Variants in MAP2K5 observed in about 807,000 individuals in gnomAD.
MAP2K5 encodes the protein mitogen-activated protein kinase kinase 5.
Under a neutral mutation model 83.1 loss-of-function variants are expected in MAP2K5, and 49 were observed. The ratio of observed to expected loss-of-function variants is 0.59; its 90% CI spans 0.47 to 0.75. The LOEUF is 0.75. MAP2K5 is among the 30% of genes least tolerant of loss of function. The pLI, the probability that MAP2K5 is intolerant of heterozygous loss-of-function variation, is 0.00. For missense variants in MAP2K5, 457 were observed against 557.5 expected (o/e 0.82, Z 1.82); for synonymous variants, 202 against 191.8 (o/e 1.05, Z -0.44).
intron 9 of MAP2K5, among the ~76,000 whole-genome samples, chr15:67,634,416 A>G (rs1170124488): frequency 7.1e-6 from 1 of 140,612 alleles, no homozygotes; most frequent in East Asian, 2.1e-4. Flanking sequence ...AAAAGAATGT[A>G]TAATCCACTG....
intron 19 of MAP2K5, among the ~76,000 whole-genome samples, chr15:67,751,670 T>C (rs1009514213): frequency 6.6e-6 from 1 of 152,218 alleles, no homozygotes; most frequent in African/African-American, 2.4e-5. Context: ...CTTGGCAGCC[T>C]GTTGACGGAG....
At chr15:67,761,777 G>A (rs1479266276) in intron 19 of MAP2K5, among the ~76,000 whole-genome samples, 1 of 151,910 alleles carries the variant, frequency 6.6e-6, no homozygotes, top group Non-Finnish European at 1.5e-5. Flanking sequence ...ACCTATTAAG[G>A]GTTTTTTTCT....
At chr15:67,599,685 A>ATTTTTT (rs10665135) in intron 7 of MAP2K5, among the ~76,000 whole-genome samples, 1 of 148,382 alleles carries the variant, frequency 6.7e-6, no homozygotes. Context: ...CTGGAAATTG[A>ATTTTTT]TTTTTTTTTT....
At chr15:67,545,995 A>T (rs1233343681) in intron 1 of MAP2K5, among the ~76,000 whole-genome samples, 1 of 152,214 alleles carries the variant, frequency 6.6e-6, no homozygotes, top group Non-Finnish European at 1.5e-5. Context: ...TGGCCCCACC[A>T]CTAGAGCTCA....
rs1055908411 is a variant in MAP2K5, at chr15:67,636,668, C to A, written c.585+5741C>A. On this transcript the variant is annotated intron_variant, in intron 9 of 21. Transcript: ENST00000178640. The surrounding 1 kb of genome is among the most constrained non-coding windows in gnomAD (Gnocchi z 4.7). ...TGCCTTATAATTTTTTATTGGATAC[C>A]AGACATGTGGCATGGGTGCTATTTT... Among the ~76,000 whole-genome samples, 7 of 151,922 alleles carry A rather than the reference C, an allele frequency of 4.6e-5. No homozygotes were observed. Among genetic ancestry groups the A allele is most frequent in the Non-Finnish European group, 1.0e-4 (7 of 68,000 alleles).
intron 3 of MAP2K5, among the ~76,000 whole-genome samples, chr15:67,569,255 C>CT (rs2084905418): frequency 6.6e-6 from 1 of 152,212 alleles, no homozygotes; most frequent in Non-Finnish European, 1.5e-5. Flanking sequence ...CTACTTTGAA[C>CT]TTAACTTTGC....
At chr15:67,737,024 C>T (rs1188878266) in intron 17 of MAP2K5, among the ~76,000 whole-genome samples, 1 of 152,190 alleles carries the variant, frequency 6.6e-6, no homozygotes, top group African/African-American at 2.4e-5. Context: ...AGACTGTCTC[C>T]CACTCACAGT....
intron 20 of MAP2K5, among the ~76,000 whole-genome samples, chr15:67,771,828 C>T (rs1433559344): frequency 6.6e-6 from 1 of 152,046 alleles, no homozygotes; most frequent in Non-Finnish European, 1.5e-5. Context: ...TAGAAGAGTG[C>T]CTTATAAAGA....
intron 13 of MAP2K5, among the ~76,000 whole-genome samples, chr15:67,689,972 C>G (rs1444670966): frequency 6.6e-6 from 1 of 152,160 alleles, no homozygotes; most frequent in Non-Finnish European, 1.5e-5. Context: ...TAGTGCAGCC[C>G]AGCGCAAATT....
In MAP2K5 at chr15:67,651,328, G is replaced by A. The variant is rs534868306; in HGVS notation, c.736+4859G>A. Among the ~76,000 whole-genome samples, 273 of 152,338 alleles carry A rather than the reference G, an allele frequency of 1.8e-3. 1 individual carries two copies. Among genetic ancestry groups the A allele is most frequent in the Middle Eastern group, 3.4e-3 (1 of 294 alleles). On this transcript the variant is annotated intron_variant, in intron 11 of 21. Coordinates refer to ENST00000178640, the MANE Select transcript of MAP2K5 (RefSeq NM_145160.3). Reference sequence around the variant, plus strand: ...TACAATGTGTAGTAATCAACTCAAAGTAATGGAGATATGTATGACCACAAA... The same window carrying A: ...TACAATGTGTAGTAATCAACTCAAAATAATGGAGATATGTATGACCACAAA...
intron 9 of MAP2K5, among the ~76,000 whole-genome samples, chr15:67,632,231 T>C (rs2086491825): frequency 6.6e-6 from 1 of 151,822 alleles, no homozygotes; most frequent in Admixed American, 6.6e-5. Context: ...CCTTGAGTGG[T>C]TGGACCAGAG....
In MAP2K5 at chr15:67,587,030, C is replaced by A; in HGVS notation, c.431+117C>A. On this transcript the variant is annotated intron_variant, in intron 6 of 21. Coordinates refer to ENST00000178640, the MANE Select transcript of MAP2K5 (RefSeq NM_145160.3). This position sits in a 1 kb window ranked among gnomAD's most constrained non-coding sequence, Gnocchi z 4.8. ...TTAGATAACCTAGCTACGTATTGAC[C>A]AAAGAGAAAGGACCTCATATGGAAA... 1.0e-6 allele frequency: 1 copy of A among 983,434 alleles called. No homozygotes were observed. Among genetic ancestry groups the A allele is most frequent in the Non-Finnish European group, 1.6e-6 (1 of 610,762 alleles). 60.9% of individuals were successfully genotyped at this position (983,434 alleles called of 1,614,324 possible). A position where few individuals can be genotyped will look rare whatever the true frequency, so the allele number is the denominator to read the frequency against.
chr15:67,769,075 C>A lies in MAP2K5; in HGVS notation c.1135-527C>A, dbSNP rs2090095497. On this transcript the variant is annotated intron_variant, in intron 19 of 21. Coordinates refer to ENST00000178640, the MANE Select transcript of MAP2K5 (RefSeq NM_145160.3). This position sits in a 1 kb window ranked among gnomAD's most constrained non-coding sequence, Gnocchi z 5.2. The stretch of plus-strand genomic sequence containing the variant: ...TAGGCTGAAATTCCTTTTCAGGAAA[C>A]AACTTCCCCTATAAAAGCCTTTCTA... 6.8e-6 allele frequency among the ~76,000 whole-genome samples: 1 copy of A among 147,778 alleles called. No homozygotes were observed. The highest frequency in any genetic ancestry group is 2.2e-4 in the South Asian group (1 of 4,538).
chr15:67,586,898 C>G lies in MAP2K5; in HGVS notation c.416C>G (p.Ser139Ter). The G allele has an allele frequency of 6.2e-7, 1 of 1,614,144 alleles. No homozygotes were observed. Among genetic ancestry groups the G allele is most frequent in the Non-Finnish European group, 8.5e-7 (1 of 1,180,022 alleles). ...CACAGCAGCCCAGCAGTCTCAGATT[C>G]ACTTCCAAGCAATAGGTGCGAGCGA... Reference protein sequence around the residue: ...SQHSSPAVSDSLPSNSLKKSS... With the variant: ...SQHSSPAVSD The change falls in exon 6 of 22, where the codon TCA (serine) becomes TGA (stop). Residue 139 changes from serine (S) to a stop codon, truncating the protein, a stop_gained. Coordinates refer to ENST00000178640, the MANE Select transcript of MAP2K5 (RefSeq NM_145160.3). LOFTEE classifies it high-confidence loss of function.
At position 67,561,450 on chromosome 15, in the gene MAP2K5, C is replaced by T. The variant is rs1770723059; in HGVS notation, c.185-1833C>T. ...AAGAATCTTTATGTGTGTAACATCT[C>T]TCAGGACTGTGCCTTCTTCATTACT... is the stretch of plus-strand genomic sequence containing the variant. On this transcript the variant is annotated intron_variant, in intron 2 of 21. Coordinates refer to ENST00000178640, the MANE Select transcript of MAP2K5 (RefSeq NM_145160.3). The surrounding 1 kb of genome is among the most constrained non-coding windows in gnomAD (Gnocchi z 4.2). Among the ~76,000 whole-genome samples, 1 of 152,172 alleles carries T rather than the reference C, an allele frequency of 6.6e-6. No homozygotes were observed. Among genetic ancestry groups the T allele is most frequent in the African/African-American group, 2.4e-5 (1 of 41,430 alleles).
chr15:67,642,642 C>G, intron 9 of MAP2K5: 1 of 665,006 alleles, frequency 1.5e-6, no homozygotes, highest in South Asian at 1.8e-5. Context: ...AGGGAAAGCA[C>G]AGGATATGTG....
rs1172696869 is a variant in MAP2K5 at position 67,790,567 on chromosome 15, G to A, written c.1243-16079G>A. On this transcript the variant is annotated intron_variant, in intron 21 of 21. Transcript: ENST00000178640. The surrounding 1 kb of genome is among the most constrained non-coding windows in gnomAD (Gnocchi z 4.6). ...GTTACATGGAATTCTAAACCCAGAA[G>A]TCTGCTCATTCTTGTTTTAAATGGG... is the stretch of plus-strand genomic sequence containing the variant. Among the ~76,000 whole-genome samples, 1 of 152,120 alleles carries A rather than the reference G, an allele frequency of 6.6e-6. No homozygotes were observed. Among genetic ancestry groups the A allele is most frequent in the Admixed American group, 6.5e-5 (1 of 15,282 alleles).
chr15:67,694,252 G>GA (rs977135234), intron 15 of MAP2K5, among the ~76,000 whole-genome samples: 1 of 151,622 alleles, frequency 6.6e-6, no homozygotes, highest in Admixed American at 6.6e-5. Context: ...GAGTCAAAGG[G>GA]AAAAAAAATT....
At chr15:67,592,764 A>G (rs570965778) in intron 6 of MAP2K5, among the ~76,000 whole-genome samples, 162 bp from the exon 7 acceptor site, 1 of 152,228 alleles carries the variant, frequency 6.6e-6, no homozygotes, top group Non-Finnish European at 1.5e-5. Context: ...TACCTTTTGC[A>G]TTTGGCCAGT....
Sources: allele counts gnomAD v4.1 joint callset (sites outside exome capture counted in the v4.1 genomes callset), GRCh38; gene constraint gnomAD v4.1.1; non-coding constraint Gnocchi (gnomAD v3.1); transcripts MANE v1.5; gene names NCBI Gene and HGNC (gene_info 2026-07-23, HGNC 2026-07-21).